The following RBFOX1 variants were observed in gnomAD, a reference collection of about 807,000 sequenced individuals.
RBFOX1 encodes the protein RNA binding fox-1 homolog 1, also known as RNA binding protein fox-1 homolog 1.
In RBFOX1, 8 loss-of-function variants were observed where a neutral mutation model predicts 57.7. The ratio of observed to expected loss-of-function variants is 0.14; its 90% confidence interval spans 0.08 to 0.25. RBFOX1 has a LOEUF of 0.25. Among genes scored for constraint, RBFOX1 ranks in the 10% least tolerant of loss-of-function variants. The pLI is 1.00. For missense variants in RBFOX1, 611 were observed against 548.5 expected, an observed-to-expected ratio of 1.11 and a Z score of -1.14; for synonymous variants, 326 against 222.4, an observed-to-expected ratio of 1.47 and a Z score of -4.15.
intron 3 of RBFOX1, among the ~76,000 whole-genome samples, chr16:6,948,371 C>CTTT (rs1467426841): frequency 4.6e-5 from 5 of 109,662 alleles, no homozygotes; most frequent in African/African-American, 1.5e-4. Flanking sequence ...TTCTTTCTCC[C>CTTT]TTTCTTTTTT....
chr16:5,858,281 C>G (rs551431038), intron 3 of RBFOX1, among the ~76,000 whole-genome samples: 8 of 152,284 alleles, frequency 5.3e-5, no homozygotes, highest in Non-Finnish European at 1.2e-4. Flanking sequence ...CACACCAACC[C>G]AGGCTCCTCC....
intron 4 of RBFOX1, among the ~76,000 whole-genome samples, chr16:7,445,698 C>T (rs185473016): frequency 6.6e-6 from 1 of 152,294 alleles, no homozygotes; most frequent in East Asian, 1.9e-4. Flanking sequence ...GTTGCTGTTA[C>T]TGTTGTTGTT....
intron 4 of RBFOX1, among the ~76,000 whole-genome samples, chr16:7,400,346 T>C (rs758490575): frequency 1.3e-5 from 2 of 152,146 alleles, no homozygotes; most frequent in African/African-American, 2.4e-5. Flanking sequence ...CTCCTCCCAC[T>C]GAACCCATCT....
chr16:6,904,898 C>T (rs1596725597), intron 3 of RBFOX1, among the ~76,000 whole-genome samples: 2 of 152,126 alleles, frequency 1.3e-5, no homozygotes, highest in African/African-American at 2.4e-5. Context: ...TACAAATTCC[C>T]CTGTTCCCAA....
At chr16:6,898,043 C>T (rs992762696) in intron 3 of RBFOX1, among the ~76,000 whole-genome samples, 3 of 152,138 alleles carry the variant, frequency 2.0e-5, no homozygotes, top group African/African-American at 7.2e-5. Context: ...TCCTTTTCCT[C>T]GGTGTTTATA....
At chr16:6,801,614 G>A (rs1285684154) in intron 3 of RBFOX1, among the ~76,000 whole-genome samples, 1 of 152,006 alleles carries the variant, frequency 6.6e-6, no homozygotes, top group African/African-American at 2.4e-5. Context: ...AGACTCATGT[G>A]TCCATCAGGA....
At chr16:5,337,558 T>C (rs1245271345) in intron 1 of RBFOX1, among the ~76,000 whole-genome samples, 2 of 152,224 alleles carry the variant, frequency 1.3e-5, no homozygotes, top group Admixed American at 6.5e-5. Flanking sequence ...TCGAACAATA[T>C]ATGGCATAAA....
At chr16:5,930,940 AGGTGGGTG>A (rs1245880521) in intron 4 of RBFOX1, among the ~76,000 whole-genome samples, 1 of 6,182 alleles carries the variant, frequency 1.6e-4, no homozygotes, top group Non-Finnish European at 3.0e-4. Context: ...GAGGATGGGT[AGGTGGGTG>A]GGTGGGAGGG....
At chr16:6,289,307 G>A (rs1428169593) in intron 1 of RBFOX1, among the ~76,000 whole-genome samples, 2 of 152,018 alleles carry the variant, frequency 1.3e-5, no homozygotes, top group African/African-American at 2.4e-5. Context: ...GGTGGATATA[G>A]GTGTTATTCT....
chr16:6,648,051 C>G (rs952393503), intron 2 of RBFOX1, among the ~76,000 whole-genome samples: 11 of 152,062 alleles, frequency 7.2e-5, no homozygotes, highest in African/African-American at 2.7e-4. Context: ...TTTTCTTGCC[C>G]AGACAGGTCT....
chr16:5,573,421 C>T (rs2151137566), intron 2 of RBFOX1, among the ~76,000 whole-genome samples: 1 of 152,326 alleles, frequency 6.6e-6, no homozygotes, highest in African/African-American at 2.4e-5. Flanking sequence ...ATGCAGATTC[C>T]TGGACCCCCA....
At chr16:5,892,255 C>A (rs377100655) in intron 4 of RBFOX1, among the ~76,000 whole-genome samples, 1 of 151,982 alleles carries the variant, frequency 6.6e-6, no homozygotes, top group Non-Finnish European at 1.5e-5. Flanking sequence ...AGAGACTTGG[C>A]GGGGTTGAGG....
At chr16:7,652,052 G>A (rs2065173419) in intron 11 of RBFOX1, among the ~76,000 whole-genome samples, 1 of 151,556 alleles carries the variant, frequency 6.6e-6, no homozygotes, top group Non-Finnish European at 1.5e-5. Context: ...AAACAGTGTT[G>A]GTTATCAGGG....
rs980559438 is a variant in RBFOX1 at position 7,711,340 on chromosome 16, G to T, written c.*595G>T. 13 of 152,620 alleles carry T rather than the reference G, an allele frequency of 8.5e-5. No homozygotes were observed. The highest frequency in any genetic ancestry group is 8.5e-4 in the Admixed American group (13 of 15,276). The allele number at this position is 152,620 out of a possible 1,614,324, so 9.5% of individuals were successfully genotyped here. On this transcript the variant is annotated 3_prime_UTR_variant, in exon 16 of 16. Coordinates refer to ENST00000550418, the MANE Select transcript of RBFOX1 (RefSeq NM_018723.4). ...TCAAGCCAAAGGTCATGTTGTTAAGGGGGTGCTTCTAGTAGCACTTGTGCA... is the reference window on the plus strand; with the variant it reads ...TCAAGCCAAAGGTCATGTTGTTAAGTGGGTGCTTCTAGTAGCACTTGTGCA...
intron 5 of RBFOX1, among the ~76,000 whole-genome samples, chr16:7,537,520 A>C (rs774607685): frequency 5.9e-5 from 9 of 152,166 alleles, no homozygotes; most frequent in Non-Finnish European, 1.3e-4. Flanking sequence ...TTATAACCAC[A>C]ACTTCACACT....
chr16:6,783,663 GAT>G (rs1451289415), intron 3 of RBFOX1, among the ~76,000 whole-genome samples: 1 of 152,006 alleles, frequency 6.6e-6, no homozygotes, highest in African/African-American at 2.4e-5. Flanking sequence ...TCGTACTAAA[GAT>G]ATGAGGGCTT....
chr16:6,371,663 A>G (rs772593901), intron 2 of RBFOX1, among the ~76,000 whole-genome samples: 1 of 152,036 alleles, frequency 6.6e-6, no homozygotes, highest in East Asian at 1.9e-4. Flanking sequence ...TTGATTGGAG[A>G]GTGGTGTTTA....
chr16:6,393,741 C>T (rs948209589), intron 2 of RBFOX1, among the ~76,000 whole-genome samples: 7 of 152,142 alleles, frequency 4.6e-5, no homozygotes, highest in African/African-American at 1.7e-4. Flanking sequence ...AAAGGCAAGG[C>T]TGTGTGTTCC....
At chr16:6,779,981 T>A (rs866439421) in intron 3 of RBFOX1, among the ~76,000 whole-genome samples, 2 of 19,140 alleles carry the variant, frequency 1.0e-4, no homozygotes, top group Admixed American at 1.0e-3. Context: ...ATTTATATAT[T>A]TATATATTTA....
Sources: gnomAD v4.1 joint callset for allele counts (sites outside exome capture counted in the v4.1 genomes callset) on GRCh38, gnomAD v4.1.1 for gene constraint, MANE v1.5 for transcripts, NCBI Gene and HGNC (gene_info 2026-07-23, HGNC 2026-07-21) for gene names.